UNC79: variants seen among roughly 807,000 people sequenced by gnomAD.
The protein encoded by UNC79 is unc-79 subunit of NALCN channel complex.
A neutral mutation model predicts 283.1 loss-of-function variants in UNC79; 37 were observed. That is an observed-to-expected ratio of 0.13 (90% CI 0.10 to 0.17). The LOEUF is 0.17. UNC79 is among the 10% of genes least tolerant of loss of function. The probability of loss-of-function intolerance (pLI) is 1.00; values close to 1 mark genes in which losing one functional copy is unlikely to be tolerated. For missense variants in UNC79, 2,272 were observed against 3,211.1 expected, an observed-to-expected ratio of 0.71 and a Z score of 7.07; for synonymous variants, 1,107 against 1,200.2, an observed-to-expected ratio of 0.92 and a Z score of 1.61.
chr14:93,602,291 C>T (rs762721361), intron 25 of UNC79, among the ~76,000 whole-genome samples: 9 of 152,064 alleles, frequency 5.9e-5, no homozygotes, highest in East Asian at 3.9e-4. Context: ...AGGTGAGATA[C>T]GAGTATCCAG....
intron 7 of UNC79, among the ~76,000 whole-genome samples, chr14:93,509,298 T>C (rs924287006): frequency 2.0e-5 from 3 of 152,004 alleles, no homozygotes; most frequent in Non-Finnish European, 4.4e-5. Context: ...ATCATATAAT[T>C]CCACCCTTGG....
chr14:93,397,284 G>A (rs962220638), intron 1 of UNC79: 14 of 152,178 alleles, frequency 9.2e-5, no homozygotes, highest in African/African-American at 3.1e-4. Flanking sequence ...AATGCCCTGG[G>A]TAAAGCCCTT....
At chr14:93,401,699 T>C (rs974586513) in intron 1 of UNC79, among the ~76,000 whole-genome samples, 2 of 152,228 alleles carry the variant, frequency 1.3e-5, no homozygotes, top group East Asian at 1.9e-4. Flanking sequence ...GAGATTCAGA[T>C]AGCTATAGGT....
chr14:93,641,349 C>T (rs540105260), intron 33 of UNC79, 102 bp downstream of exon 36: 1 of 1,158,124 alleles, frequency 8.6e-7, no homozygotes. Context: ...GCTTTTAAGT[C>T]ATAATTTGTT....
chr14:93,457,527 C>T (rs114091592), intron 1 of UNC79, among the ~76,000 whole-genome samples: 19 of 152,264 alleles, frequency 1.2e-4, no homozygotes, highest in African/African-American at 4.6e-4. Flanking sequence ...GGAGGAGTAA[C>T]AGGATCATGA....
chr14:93,474,063 CT>C lies in UNC79; in HGVS notation c.144-18del, dbSNP rs1020835512. On this transcript the variant is annotated intron_variant, in intron 2 of 48. Coordinates refer to ENST00000555664, the Ensembl canonical transcript of UNC79. This position sits in a 1 kb window ranked among gnomAD's most constrained non-coding sequence, Gnocchi z 4.1. ...GCTGTTCTTTGTGTCTTTGTTGTCT[CT>C]TTTTTTTCTTTGTCCCCCCAACAGC... 6.0e-6 allele frequency: 9 copies of C among 1,505,580 alleles called. No individual in the cohort carries two copies. The highest frequency in any genetic ancestry group is 2.8e-5 in the African/African-American group (2 of 71,696). 93.3% of individuals were successfully genotyped at this position (1,505,580 alleles called of 1,614,324 possible). A position where few individuals can be genotyped will look rare whatever the true frequency, so the allele number is the denominator to read the frequency against.
chr14:93,460,203 CAAAAAAAAAA>C (rs749082123), intron 1 of UNC79, among the ~76,000 whole-genome samples: 2 of 33,878 alleles, frequency 5.9e-5, no homozygotes, highest in African/African-American at 2.9e-4. Context: ...GATTCCGTCT[CAAAAAAAAAA>C]AAAAAAAAAA....
chr14:93,459,669 T>C (rs966341823), intron 1 of UNC79, among the ~76,000 whole-genome samples: 3 of 117,266 alleles, frequency 2.6e-5, no homozygotes, highest in African/African-American at 1.0e-4. Flanking sequence ...CTTTGGTTTA[T>C]TCAACTTTTT....
chr14:93,594,065 C>T (rs1449629389), intron 23 of UNC79, among the ~76,000 whole-genome samples: 1 of 152,048 alleles, frequency 6.6e-6, no homozygotes, highest in African/African-American at 2.4e-5. Context: ...TAGGACAGAC[C>T]CAGCTTATGC....
intron 41 of UNC79, among the ~76,000 whole-genome samples, chr14:93,674,900 C>T (rs544045177): frequency 1.5e-4 from 23 of 152,308 alleles, no homozygotes; most frequent in African/African-American, 4.8e-4. Flanking sequence ...GAGCCCAGCT[C>T]CCTTTGGTAT....
At chr14:93,447,621 T>C (rs190708795) in intron 1 of UNC79, among the ~76,000 whole-genome samples, 13 of 152,240 alleles carry the variant, frequency 8.5e-5, no homozygotes, top group African/African-American at 3.1e-4. Flanking sequence ...TGAAATTTAT[T>C]TCTCTTTAGC....
At chr14:93,661,304 G>A (rs1275357925) in intron 39 of UNC79, among the ~76,000 whole-genome samples, 1 of 152,140 alleles carries the variant, frequency 6.6e-6, no homozygotes, top group Non-Finnish European at 1.5e-5. Context: ...ACAAAATATA[G>A]GATTGTACAT....
At chr14:93,511,791 C>CA (rs1389556191) in intron 7 of UNC79, among the ~76,000 whole-genome samples, 3 of 152,024 alleles carry the variant, frequency 2.0e-5, no homozygotes, top group African/African-American at 7.2e-5. Context: ...AACAAATAAA[C>CA]AAAAAACAGA....
At chr14:93,548,175 C>G (rs1020872193) in intron 14 of UNC79, among the ~76,000 whole-genome samples, 2 of 152,084 alleles carry the variant, frequency 1.3e-5, no homozygotes, top group African/African-American at 4.8e-5. Context: ...CTGGAAAGTC[C>G]CAGATCAAGG....
chr14:93,524,133 C>T, intron 8 of UNC79, 91 bp downstream of exon 8: 1 of 1,392,350 alleles, frequency 7.2e-7, no homozygotes, highest in Non-Finnish European at 1.0e-6. Flanking sequence ...CTCTGTAAAG[C>T]AGAGGCATGT....
intron 1 of UNC79, among the ~76,000 whole-genome samples, chr14:93,464,166 A>T (rs1380526763): frequency 6.6e-6 from 1 of 152,100 alleles, no homozygotes; most frequent in Non-Finnish European, 1.5e-5. Flanking sequence ...ACAAAACAAA[A>T]CAAAAAAAGA....
intron 14 of UNC79, among the ~76,000 whole-genome samples, chr14:93,567,136 C>T (rs1350538888): frequency 2.0e-5 from 3 of 152,196 alleles, no homozygotes; most frequent in Non-Finnish European, 4.4e-5. Flanking sequence ...TTTGGCCAGT[C>T]AAATGTAGCC....
chr14:93,581,426 C>T (rs1332519539), intron 19 of UNC79, among the ~76,000 whole-genome samples: 3 of 151,456 alleles, frequency 2.0e-5, no homozygotes, highest in African/African-American at 7.3e-5. Context: ...CCTTGCCTCA[C>T]CCTCCCAAAG....
chr14:93,704,478 G>C, intron 47 of UNC79, 147 bp from the exon 51 acceptor site: 2 of 877,414 alleles, frequency 2.3e-6, no homozygotes, highest in Admixed American at 4.4e-5. Context: ...AAGACATTTT[G>C]CTGATAACGG....
Sources: gnomAD v4.1 joint callset for allele counts (sites outside exome capture counted in the v4.1 genomes callset) on GRCh38, gnomAD v4.1.1 for gene constraint, Gnocchi (gnomAD v3.1) non-coding constraint, MANE v1.5 for transcripts, NCBI Gene and HGNC (gene_info 2026-07-23, HGNC 2026-07-21) for gene names.